The following TNR variants were observed in gnomAD, a reference collection of about 807,000 sequenced individuals.
TNR encodes tenascin R, also known as tenascin-R.
In TNR, 45 loss-of-function variants were observed where a neutral mutation model predicts 150.4. That is an observed-to-expected ratio of 0.30 (90% CI 0.24 to 0.38). The LOEUF is 0.38. Among genes scored for constraint, TNR ranks in the 10% least tolerant of loss-of-function variants. The pLI is 1.00. For missense variants in TNR, 1,544 were observed against 1,759.1 expected (o/e 0.88, Z 2.19); for synonymous variants, 687 against 678.4 (o/e 1.01, Z -0.20).
intron 2 of TNR, among the ~76,000 whole-genome samples, chr1:175,491,222 G>A (rs1459198561): frequency 5.9e-5 from 9 of 152,124 alleles, no homozygotes; most frequent in African/African-American, 1.7e-4. Context: ...CTGTCAGAGG[G>A]GAGCTTGGGG....
intron 2 of TNR, among the ~76,000 whole-genome samples, chr1:175,428,743 CT>C (rs1326078513): frequency 6.6e-6 from 1 of 152,134 alleles, no homozygotes. Context: ...GAATTTCAAG[CT>C]TTTTTCCCCC....
intron 2 of TNR, among the ~76,000 whole-genome samples, chr1:175,507,237 G>T (rs1458911568): frequency 6.6e-6 from 1 of 152,162 alleles, no homozygotes. Context: ...GGATGGAGTT[G>T]CTATGATGCA....
intron 1 of TNR, among the ~76,000 whole-genome samples, chr1:175,607,584 A>G (rs1663450862): frequency 6.6e-6 from 1 of 152,218 alleles, no homozygotes; most frequent in Non-Finnish European, 1.5e-5. Context: ...TTGCTCTTCA[A>G]GGACATACTC....
intron 2 of TNR, among the ~76,000 whole-genome samples, chr1:175,470,015 G>A (rs1657213836): frequency 6.6e-6 from 1 of 152,138 alleles, no homozygotes; most frequent in Admixed American, 6.5e-5. Context: ...GAAGAGTCAG[G>A]ATGACAGGGA....
At chr1:175,520,938 A>G (rs1336379149) in intron 2 of TNR, among the ~76,000 whole-genome samples, 1 of 152,192 alleles carries the variant, frequency 6.6e-6, no homozygotes, top group East Asian at 1.9e-4. Context: ...TGGATAAACA[A>G]GTCTCTCAGA....
In TNR at chr1:175,602,297, C is replaced by T. The variant is rs571868577; in HGVS notation, c.-164-73928G>A. Among the ~76,000 whole-genome samples the T allele has an allele frequency of 2.6e-5, 4 of 151,458 alleles. No homozygotes were observed. In the South Asian group the frequency reaches 8.4e-4, roughly 32 times the overall value. ...CATTCCTCTCTATATCACACTGGTC[C>T]TCAAATTGCATCAGAGCTTGTTAAA... On this transcript the variant is annotated intron_variant, in intron 1 of 22. Transcript: ENST00000367674.
At chr1:175,576,254 C>G (rs1204487024) in intron 1 of TNR, among the ~76,000 whole-genome samples, 1 of 152,298 alleles carries the variant, frequency 6.6e-6, no homozygotes, top group East Asian at 1.9e-4. Context: ...GCAGGGGGCT[C>G]TCAGTCAGCT....
chr1:175,730,522 T>A (rs992741011), intron 1 of TNR, among the ~76,000 whole-genome samples: 1 of 152,198 alleles, frequency 6.6e-6, no homozygotes, highest in African/African-American at 2.4e-5. Flanking sequence ...AGAGAGTAGA[T>A]CTTTAATAAC....
intron 2 of TNR, among the ~76,000 whole-genome samples, chr1:175,519,512 A>AACC (rs1395706041): frequency 6.6e-6 from 1 of 152,204 alleles, no homozygotes; most frequent in Non-Finnish European, 1.5e-5. Context: ...TCACTATCAA[A>AACC]ACCTCATCAA....
At chr1:175,669,371 T>A (rs1474741911) in intron 1 of TNR, among the ~76,000 whole-genome samples, 1 of 152,182 alleles carries the variant, frequency 6.6e-6, no homozygotes, top group Non-Finnish European at 1.5e-5. Context: ...TCCAAGTTTG[T>A]CTAATTCCAC....
intron 1 of TNR, among the ~76,000 whole-genome samples, chr1:175,586,245 T>A (rs1662564354): frequency 6.6e-6 from 1 of 152,200 alleles, no homozygotes; most frequent in Non-Finnish European, 1.5e-5. Flanking sequence ...TCAGGAGGAA[T>A]CCTATCTGGA....
At chr1:175,364,989 T>C in intron 12 of TNR, 21 bp downstream of exon 12, 1 of 1,580,390 alleles carries the variant, frequency 6.3e-7, no homozygotes, top group Non-Finnish European at 8.6e-7. Context: ...CATCACCTGC[T>C]GCCAAGTCCT....
At chr1:175,386,008 G>C (rs745438757) in intron 8 of TNR, 24 bp downstream of exon 8, 1 of 1,538,620 alleles carries the variant, frequency 6.5e-7, no homozygotes, top group East Asian at 2.3e-5. Flanking sequence ...CTCCTTGTGC[G>C]TCTCTCCCCC....
chr1:175,600,756 C>T (rs532434576), intron 1 of TNR, among the ~76,000 whole-genome samples: 16 of 152,336 alleles, frequency 1.1e-4, no homozygotes, highest in East Asian at 5.8e-4. Flanking sequence ...ACTTACCTTA[C>T]GGGCTTTCAG....
At chr1:175,339,232 A>G (rs1311246537) in intron 18 of TNR, among the ~76,000 whole-genome samples, 2 of 152,260 alleles carry the variant, frequency 1.3e-5, no homozygotes, top group Non-Finnish European at 2.9e-5. Flanking sequence ...AATATAATGC[A>G]TGATTGAATT....
chr1:175,671,911 C>CTGTGTGTGTGTGTGTGTGTGTG (rs35804880), intron 1 of TNR, among the ~76,000 whole-genome samples: 71 of 142,132 alleles, frequency 5.0e-4, no homozygotes, highest in African/African-American at 1.5e-3. Flanking sequence ...TGAGCTGTAC[C>CTGTGTGTGTGTGTGTGTGTGTG]TGTGTGTGTG....
In TNR at chr1:175,379,745, T is replaced by C; in HGVS notation, c.1778-8A>G. On this transcript the variant is annotated splice_region_variant and splice_polypyrimidine_tract_variant and intron_variant, in intron 8 of 22. Coordinates refer to ENST00000367674, the MANE Select transcript of TNR (RefSeq NM_003285.3). ...TCTTGGGGGCATCGATCTCTAAAAATAGACAGACATCACCAACATCGCACA... is the reference window on the plus strand; with the variant it reads ...TCTTGGGGGCATCGATCTCTAAAAACAGACAGACATCACCAACATCGCACA... 1 of 1,613,822 alleles carries C rather than the reference T, an allele frequency of 6.2e-7. No individual in the cohort carries two copies. Among genetic ancestry groups the C allele is most frequent in the Non-Finnish European group, 8.5e-7 (1 of 1,179,790 alleles).
intron 1 of TNR, among the ~76,000 whole-genome samples, chr1:175,612,854 T>C (rs1290841172): frequency 6.6e-6 from 1 of 152,236 alleles, no homozygotes; most frequent in Non-Finnish European, 1.5e-5. Context: ...TTCCAATCAT[T>C]TACTCAACAA....
chr1:175,342,380 C>A (rs1048236407), intron 18 of TNR, among the ~76,000 whole-genome samples: 2 of 152,150 alleles, frequency 1.3e-5, no homozygotes, highest in African/African-American at 4.8e-5. Flanking sequence ...TGTTCCAGAC[C>A]TGTGCAAAAG....
Sources: allele counts gnomAD v4.1 joint callset (sites outside exome capture counted in the v4.1 genomes callset), GRCh38; gene constraint gnomAD v4.1.1; transcripts MANE v1.5; gene names NCBI Gene and HGNC (gene_info 2026-07-23, HGNC 2026-07-21).